The following WWOX variants were observed in gnomAD, a reference collection of about 807,000 sequenced individuals.
WWOX encodes WW domain containing oxidoreductase.
Under a neutral mutation model 46.2 loss-of-function variants are expected in WWOX, and 69 were observed. The observed-to-expected ratio is 1.49, with a 90% CI of 1.23 to 1.82. WWOX has a LOEUF of 1.82. Ranked by LOEUF, WWOX falls within the 40% of genes most tolerant of loss-of-function variation. The pLI, the probability that WWOX is intolerant of heterozygous loss-of-function variation, is 0.00. For missense variants in WWOX, 919 were observed against 542.6 expected, an observed-to-expected ratio of 1.69 and a Z score of -6.89; for synonymous variants, 359 against 202.6, an observed-to-expected ratio of 1.77 and a Z score of -6.56.
chr16:78,552,013 GT>G (rs2044186348), intron 8 of WWOX: 2 of 152,460 alleles, frequency 1.3e-5, no homozygotes, highest in Admixed American at 1.3e-4. Context: ...TGGTTGGGGG[GT>G]GGGGGGCACC....
At chr16:78,973,044 T>C (rs1311836535) in intron 8 of WWOX, among the ~76,000 whole-genome samples, 2 of 152,246 alleles carry the variant, frequency 1.3e-5, no homozygotes, top group Non-Finnish European at 2.9e-5. Flanking sequence ...GGGACTCAGC[T>C]GTTGTTTCCC....
intron 5 of WWOX, among the ~76,000 whole-genome samples, chr16:78,299,946 C>T (rs369533500): frequency 5.3e-5 from 8 of 152,116 alleles, no homozygotes; most frequent in African/African-American, 1.7e-4. Context: ...ACCATCTTGC[C>T]GAGTCCAAGA....
intron 8 of WWOX, among the ~76,000 whole-genome samples, chr16:78,671,019 C>G (rs1162621202): frequency 6.6e-6 from 1 of 152,002 alleles, no homozygotes; most frequent in Non-Finnish European, 1.5e-5. Context: ...GTGGCTACAC[C>G]AGAAGCTGGA....
At chr16:78,452,545 G>C (rs1044758649) in intron 8 of WWOX, among the ~76,000 whole-genome samples, 1 of 140,598 alleles carries the variant, frequency 7.1e-6, no homozygotes, top group Admixed American at 7.6e-5. Context: ...GGCGGATCTT[G>C]GCTCATTGCA....
At chr16:78,232,766 G>A (rs1477337404) in intron 5 of WWOX, among the ~76,000 whole-genome samples, 1 of 152,186 alleles carries the variant, frequency 6.6e-6, no homozygotes. Context: ...TGCTTCTTAT[G>A]TGATTCTTAC....
At chr16:78,845,183 TAAAA>T (rs377162463) in intron 8 of WWOX, among the ~76,000 whole-genome samples, 2 of 141,976 alleles carry the variant, frequency 1.4e-5, no homozygotes, top group African/African-American at 5.2e-5. Context: ...GGACTGGTCT[TAAAA>T]AAAAAAAAGA....
intron 8 of WWOX, among the ~76,000 whole-genome samples, chr16:78,937,968 T>C (rs546607527): frequency 6.6e-6 from 1 of 152,302 alleles, no homozygotes; most frequent in African/African-American, 2.4e-5. Context: ...TTCAGTGTTT[T>C]CTTATTCCTC....
intron 8 of WWOX, chr16:79,106,524 G>A (rs1374447868): frequency 6.8e-6 from 1 of 146,604 alleles, no homozygotes; most frequent in Non-Finnish European, 1.5e-5. Flanking sequence ...TTTGGGGAAA[G>A]TATACCTATC....
chr16:79,032,152 G>C (rs1332912841), intron 8 of WWOX, among the ~76,000 whole-genome samples: 1 of 144,468 alleles, frequency 6.9e-6, no homozygotes, highest in Non-Finnish European at 1.5e-5. Context: ...GTAAAACAAA[G>C]TCTATAAAAA....
intron 8 of WWOX, among the ~76,000 whole-genome samples, chr16:78,815,524 C>G (rs545052869): frequency 1.3e-5 from 2 of 152,158 alleles, no homozygotes; most frequent in East Asian, 1.9e-4. Context: ...TGCCAGGACC[C>G]TGACCAAGAA....
chr16:78,232,263 A>C (rs1164476103), intron 5 of WWOX, among the ~76,000 whole-genome samples: 1 of 152,220 alleles, frequency 6.6e-6, no homozygotes, highest in Non-Finnish European at 1.5e-5. Flanking sequence ...GCGGTCAAAC[A>C]CATTCGTCTG....
intron 8 of WWOX, among the ~76,000 whole-genome samples, chr16:78,979,694 C>G (rs1251893116): frequency 6.6e-6 from 1 of 152,106 alleles, no homozygotes. Flanking sequence ...CCTGTGTAGC[C>G]GTCCATGCTT....
At chr16:78,525,609 C>T (rs945293813) in intron 8 of WWOX, 1 of 152,082 alleles carries the variant, frequency 6.6e-6, no homozygotes, top group Non-Finnish European at 1.5e-5. Context: ...TTGTAGGGGA[C>T]AATAACAAAG....
chr16:78,896,622 A>G (rs1007567240), intron 8 of WWOX: 1 of 152,212 alleles, frequency 6.6e-6, no homozygotes, highest in African/African-American at 2.4e-5. Flanking sequence ...GTACTCAGAT[A>G]GTAATTAGTA....
intron 5 of WWOX, among the ~76,000 whole-genome samples, chr16:78,197,085 G>C (rs75166809): frequency 6.6e-6 from 1 of 152,124 alleles, no homozygotes; most frequent in Non-Finnish European, 1.5e-5. Context: ...CACCAGACTC[G>C]TATCAGCCAC....
chr16:78,346,855 C>A lies in WWOX; in HGVS notation c.517-40005C>A, dbSNP rs1179420892. Among the ~76,000 whole-genome samples, 3 of 119,214 alleles carry A rather than the reference C, an allele frequency of 2.5e-5. 1 individual carries two copies. The highest frequency in any genetic ancestry group is 8.6e-5 in the African/African-American group (3 of 35,072). The allele number at this position is 119,214 out of a possible 152,430, so 78.2% of individuals were successfully genotyped here. A position where few individuals can be genotyped will look rare whatever the true frequency, so the allele number is the denominator to read the frequency against. ...GAGTAGCTGGTGTTACAGAAGCCTG[C>A]TACCATGCCTGGCTAATTTTTGTGT... is the stretch of plus-strand genomic sequence containing the variant. On this transcript the variant is annotated intron_variant, in intron 5 of 8. Transcript: ENST00000566780.
At chr16:78,281,741 A>G (rs562321248) in intron 5 of WWOX, among the ~76,000 whole-genome samples, 2 of 152,030 alleles carry the variant, frequency 1.3e-5, no homozygotes, top group Non-Finnish European at 2.9e-5. Flanking sequence ...GCCCCCAACC[A>G]TTTAAAAATG....
At chr16:78,695,226 CTAT>C (rs996707996) in intron 8 of WWOX, among the ~76,000 whole-genome samples, 1 of 151,662 alleles carries the variant, frequency 6.6e-6, no homozygotes. Flanking sequence ...TGTTATTATT[CTAT>C]TATTATTATT....
chr16:79,056,788 G>A (rs774949227), intron 8 of WWOX, among the ~76,000 whole-genome samples: 6 of 152,110 alleles, frequency 3.9e-5, no homozygotes, highest in East Asian at 1.9e-4. Flanking sequence ...TTGAAAATAC[G>A]GTGAGATTGA....
Sources: gnomAD v4.1 joint callset for allele counts (sites outside exome capture counted in the v4.1 genomes callset) on GRCh38, gnomAD v4.1.1 for gene constraint, MANE v1.5 for transcripts, NCBI Gene and HGNC (gene_info 2026-07-23, HGNC 2026-07-21) for gene names.